The following FAM20B variants were observed in gnomAD, a reference collection of about 807,000 sequenced individuals.
The protein encoded by FAM20B is FAM20B glycosaminoglycan xylosylkinase.
FAM20B carries 23 observed loss-of-function variants against 43.8 expected under a neutral mutation model. That is an observed-to-expected ratio of 0.53 (90% CI 0.38 to 0.74). The LOEUF (loss-of-function observed/expected upper bound fraction) is 0.74, where lower values mean the gene tolerates loss of function less well. Ranked by LOEUF, FAM20B falls within the 30% of genes least tolerant of loss-of-function variation. FAM20B has a pLI of 0.00. For synonymous variants in FAM20B, 178 were observed against 192.4 expected, an observed-to-expected ratio of 0.93 and a Z score of 0.62; for missense variants, 440 against 510.5, an observed-to-expected ratio of 0.86 and a Z score of 1.33.
At chr1:179,070,671 C>G (rs937203682) in intron 7 of FAM20B, among the ~76,000 whole-genome samples, 1 of 151,460 alleles carries the variant, frequency 6.6e-6, no homozygotes, top group Non-Finnish European at 1.5e-5. Context: ...ATTACAGGCA[C>G]CTGCCACCAC....
rs1652135304 is a variant in FAM20B, at chr1:179,076,538, A to G, written c.*4394A>G. 2 of 152,606 alleles carry G rather than the reference A, an allele frequency of 1.3e-5. No homozygotes were observed. Among genetic ancestry groups the G allele is most frequent in the Non-Finnish European group, 2.9e-5 (2 of 68,032 alleles). 9.5% of individuals were successfully genotyped at this position (152,606 alleles called of 1,614,324 possible). A position where few individuals can be genotyped will look rare whatever the true frequency, so the allele number is the denominator to read the frequency against. Reference sequence around the variant, plus strand: ...CTATGGGTTTCAATTCTGAAAAAAGAAAATGAATAAAGATTTTAATAAATA... The same window carrying G: ...CTATGGGTTTCAATTCTGAAAAAAGGAAATGAATAAAGATTTTAATAAATA... On this transcript the variant is annotated 3_prime_UTR_variant, in exon 8 of 8. Transcript: ENST00000263733.
At chr1:179,019,544 C>A in the FAM20B span, among the ~76,000 whole-genome samples, 3 of 151,086 alleles carry the variant, frequency 2.0e-5, no homozygotes, top group South Asian at 6.3e-4. Flanking sequence ...CTCACCGCAA[C>A]CTCTCACTCC....
upstream of FAM20B, among the ~76,000 whole-genome samples, chr1:179,023,405 T>C (rs1649637771): frequency 6.6e-6 from 1 of 152,180 alleles, no homozygotes; most frequent in African/African-American, 2.4e-5. Flanking sequence ...AAGAGGAGAT[T>C]AGACAACGAC....
Position 179,075,312 on chromosome 1 carries a change from G to T in FAM20B, c.*3168G>T, listed in dbSNP as rs933193623. 3.3e-5 allele frequency: 5 copies of T among 152,110 alleles called. No individual in the cohort carries two copies. The highest frequency in any genetic ancestry group is 4.8e-5 in the African/African-American group (2 of 41,424). 9.4% of individuals were successfully genotyped at this position (152,110 alleles called of 1,614,324 possible). On this transcript the variant is annotated 3_prime_UTR_variant, in exon 8 of 8. Transcript: ENST00000263733. ...AGGGTTTGGATCAGCTGTAAGTTAG[G>T]TATGCCTACCAAACATCCAAAGGTA... is the stretch of plus-strand genomic sequence containing the variant.
chr1:179,041,873 TA>T (rs1315605583), intron 1 of FAM20B, among the ~76,000 whole-genome samples: 1 of 152,180 alleles, frequency 6.6e-6, no homozygotes, highest in African/African-American at 2.4e-5. Context: ...TTTTGAAAGT[TA>T]AAAAAATGAA....
At chr1:179,057,727 T>C (rs1651287368) in intron 4 of FAM20B, among the ~76,000 whole-genome samples, 1 of 151,850 alleles carries the variant, frequency 6.6e-6, no homozygotes, top group South Asian at 2.1e-4. Context: ...TGACAGGTAC[T>C]GAGCTAGGTG....
At chr1:179,062,572 C>T (rs1175728735) in intron 4 of FAM20B, among the ~76,000 whole-genome samples, 1 of 152,012 alleles carries the variant, frequency 6.6e-6, no homozygotes, top group Admixed American at 6.5e-5. Context: ...ATTGCTTGAA[C>T]CCGGGAGGCG....
intron 1 of FAM20B, among the ~76,000 whole-genome samples, chr1:179,026,847 G>C (rs1349279992): frequency 6.6e-6 from 1 of 152,266 alleles, no homozygotes; most frequent in Non-Finnish European, 1.5e-5. Context: ...TCTGATAAGA[G>C]ATTCATTCTA....
At chr1:179,067,603 CA>C (rs1230187204) in intron 7 of FAM20B, among the ~76,000 whole-genome samples, 3 of 148,806 alleles carry the variant, frequency 2.0e-5, no homozygotes, top group Non-Finnish European at 3.0e-5. Flanking sequence ...GACTCTGTCT[CA>C]AAAAAAATAA....
intron 1 of FAM20B, among the ~76,000 whole-genome samples, chr1:179,026,781 C>A (rs562251808): frequency 6.6e-6 from 1 of 152,214 alleles, no homozygotes; most frequent in Non-Finnish European, 1.5e-5. Context: ...CGGACCGATA[C>A]GTTTCCCTTA....
intron 1 of FAM20B, among the ~76,000 whole-genome samples, chr1:179,041,599 A>G (rs1650537000): frequency 6.7e-6 from 1 of 149,534 alleles, no homozygotes; most frequent in African/African-American, 2.5e-5. Flanking sequence ...TCGGCTCGGC[A>G]TCAGAGGGAG....
Position 179,048,586 on chromosome 1 carries a change from A to G in FAM20B, c.378-1693A>G, listed in dbSNP as rs554559446. ...AATAAAGTATTCAAGGATAGCCTAC[A>G]TCTGTAGTAGAACAGTACCTGAATA... On this transcript the variant is annotated intron_variant, in intron 2 of 7. Transcript: ENST00000263733. Among the ~76,000 whole-genome samples, 32 of 152,376 alleles carry G rather than the reference A, an allele frequency of 2.1e-4. 1 individual carries two copies. The South Asian group carries it at 6.6e-3, about 32-fold the overall frequency.
intron 1 of FAM20B, among the ~76,000 whole-genome samples, chr1:179,041,767 G>A (rs969600300): frequency 3.3e-5 from 5 of 151,632 alleles, no homozygotes; most frequent in African/African-American, 1.2e-4. Context: ...GGAGAGGGGA[G>A]AGGGAAAGGA....
chr1:179,063,754 C>T (rs889531668), intron 4 of FAM20B, among the ~76,000 whole-genome samples, 173 bp from the exon 5 acceptor site: 7 of 152,130 alleles, frequency 4.6e-5, no homozygotes, highest in Non-Finnish European at 1.0e-4. Flanking sequence ...TTTTTTACAC[C>T]GTGTGCTTTT....
chr1:179,064,387 G>T lies in FAM20B; in HGVS notation c.829G>T (p.Asp277Tyr). ...TGGCCCGCGCCTCTTGGACATCATTGACACAGCTGTCTTTGATTACCTGAT... is the reference window on the plus strand; with the variant it reads ...TGGCCCGCGCCTCTTGGACATCATTTACACAGCTGTCTTTGATTACCTGAT... Reference protein sequence around the residue: ...DSGPRLLDIIDTAVFDYLIGN... With the variant: ...DSGPRLLDIIYTAVFDYLIGN... The change falls in exon 6 of 8, where the codon GAC (aspartate) becomes TAC (tyrosine). Residue 277 changes from aspartate to tyrosine, a missense_variant. Physicochemically the swap from Asp to Tyr is radical, Grantham distance 160. Transcript: ENST00000263733. 6.2e-7 allele frequency: 1 copy of T among 1,614,130 alleles called. No individual in the cohort carries two copies. The highest frequency in any genetic ancestry group is 8.5e-7 in the Non-Finnish European group (1 of 1,180,020).
Position 179,054,691 on chromosome 1 carries a change from TG to T in FAM20B, c.574+57del, listed in dbSNP as rs1651139452. On this transcript the variant is annotated intron_variant, in intron 4 of 7. Coordinates refer to ENST00000263733, the MANE Select transcript of FAM20B (RefSeq NM_014864.4). ...TAGGGGAATGATTAATAAGTTAAAA[TG>T]GGGCATTGTTGAGCAAGCTGGCTCA... 2.1e-5 allele frequency: 24 copies of T among 1,153,462 alleles called. No individual in the cohort carries two copies. The South Asian group carries it at 3.3e-4, about 16-fold the overall frequency. 71.5% of individuals were successfully genotyped at this position (1,153,462 alleles called of 1,614,324 possible).
chr1:179,024,919 C>A (rs928740075), upstream of FAM20B, among the ~76,000 whole-genome samples: 3 of 152,188 alleles, frequency 2.0e-5, no homozygotes, highest in Non-Finnish European at 4.4e-5. Context: ...TATCATACAG[C>A]CAGTAAGAAA....
intron 4 of FAM20B, among the ~76,000 whole-genome samples, chr1:179,058,874 G>A (rs1651339226): frequency 6.6e-6 from 1 of 152,180 alleles, no homozygotes; most frequent in Non-Finnish European, 1.5e-5. Context: ...GAGCAATTGA[G>A]AGAGAAGAAA....
At chr1:179,037,254 G>C (rs1225680357) in intron 1 of FAM20B, among the ~76,000 whole-genome samples, 1 of 152,164 alleles carries the variant, frequency 6.6e-6, no homozygotes, top group Non-Finnish European at 1.5e-5. Context: ...GTTGGTGGCT[G>C]TGGAAATGAA....
Sources: gnomAD v4.1 joint callset for allele counts (sites outside exome capture counted in the v4.1 genomes callset) on GRCh38, gnomAD v4.1.1 for gene constraint, MANE v1.5 for transcripts, NCBI Gene and HGNC (gene_info 2026-07-23, HGNC 2026-07-21) for gene names.